CNTNAP5: variants seen among roughly 807,000 people sequenced by gnomAD.
CNTNAP5 encodes the protein contactin associated protein family member 5, also known as contactin-associated protein-like 5.
In CNTNAP5, 72 loss-of-function variants were observed where a neutral mutation model predicts 150.2. The observed-to-expected ratio is 0.48, with a 90% confidence interval of 0.40 to 0.58. The LOEUF is 0.58. CNTNAP5 is among the 20% of genes least tolerant of loss of function. CNTNAP5 has a pLI of 0.00. For missense variants in CNTNAP5, 1,636 were observed against 1,626.2 expected (o/e 1.01, Z -0.10); for synonymous variants, 672 against 619.8 (o/e 1.08, Z -1.25).
In CNTNAP5 at chr2:124,707,099, AG is replaced by A. The variant is rs1319668508; in HGVS notation, c.2078-40128del. Among the ~76,000 whole-genome samples, 818 of 131,556 alleles carry A rather than the reference AG, an allele frequency of 6.2e-3. 48 individuals carry two copies. The highest frequency in any genetic ancestry group is 0.023 in the African/African-American group (776 of 33,766). The allele number at this position is 131,556 out of a possible 152,430, so 86.3% of individuals were successfully genotyped here. ...GAAGAAGAAGAGGAAGAAGAAGAAG[AG>A]GAAGAAGAAGAGGAAGAAGAAGAAA... On this transcript the variant is annotated intron_variant, in intron 13 of 23. Transcript: ENST00000682447.
At chr2:124,110,686 C>G (rs926397388) in intron 1 of CNTNAP5, among the ~76,000 whole-genome samples, 3 of 152,162 alleles carry the variant, frequency 2.0e-5, no homozygotes, top group Admixed American at 2.0e-4. Flanking sequence ...AAAACTGAGG[C>G]TCAAGTAGCT....
intron 1 of CNTNAP5, among the ~76,000 whole-genome samples, chr2:124,149,424 A>G (rs1385468880): frequency 6.8e-6 from 1 of 147,906 alleles, no homozygotes; most frequent in Non-Finnish European, 1.5e-5. Context: ...AAAAAAAAAA[A>G]AACTCAGGAA....
At chr2:124,177,380 C>T (rs139531484) in intron 1 of CNTNAP5, among the ~76,000 whole-genome samples, 2 of 152,106 alleles carry the variant, frequency 1.3e-5, no homozygotes, top group Non-Finnish European at 2.9e-5. Context: ...AACGGGCAGA[C>T]AGCTATTTAT....
intron 17 of CNTNAP5, among the ~76,000 whole-genome samples, chr2:124,784,383 G>A (rs927602160): frequency 3.9e-5 from 6 of 152,172 alleles, no homozygotes; most frequent in African/African-American, 1.2e-4. Context: ...TGAAAGCAAT[G>A]AGCATTTGTC....
At chr2:124,257,525 C>T (rs1170578) in intron 3 of CNTNAP5, among the ~76,000 whole-genome samples, 49,385 of 152,128 alleles carry the variant, frequency 0.32, 8,569 homozygotes, top group Admixed American at 0.4. Flanking sequence ...TTGACACATA[C>T]GTCTCCACCT....
chr2:124,267,119 C>A (rs749437507), intron 3 of CNTNAP5, among the ~76,000 whole-genome samples: 1 of 152,098 alleles, frequency 6.6e-6, no homozygotes, highest in East Asian at 1.9e-4. Context: ...ACTGCCTGCC[C>A]CTGAATGGAA....
At chr2:124,685,155 C>T (rs765463899) in intron 13 of CNTNAP5, among the ~76,000 whole-genome samples, 2 of 152,056 alleles carry the variant, frequency 1.3e-5, no homozygotes, top group East Asian at 1.9e-4. Flanking sequence ...GCTTGTGAGC[C>T]GAGACACCCC....
At chr2:124,872,861 C>A (rs1282307948) in intron 21 of CNTNAP5, among the ~76,000 whole-genome samples, 1 of 151,918 alleles carries the variant, frequency 6.6e-6, no homozygotes, top group Admixed American at 6.6e-5. Flanking sequence ...TGACCCTTCA[C>A]ACTTTTAGCT....
At chr2:124,516,035 G>C (rs950702511) in intron 8 of CNTNAP5, among the ~76,000 whole-genome samples, 4 of 152,096 alleles carry the variant, frequency 2.6e-5, no homozygotes, top group African/African-American at 9.7e-5. Flanking sequence ...GACCACTAAA[G>C]AAATTTCCAG....
chr2:124,456,132 G>A (rs988614313), intron 6 of CNTNAP5, among the ~76,000 whole-genome samples: 8 of 152,124 alleles, frequency 5.3e-5, no homozygotes, highest in African/African-American at 1.9e-4. Flanking sequence ...ACTTGTAGCT[G>A]TTTGCTGATT....
chr2:124,154,414 G>A (rs1684477420), intron 1 of CNTNAP5, among the ~76,000 whole-genome samples: 1 of 152,086 alleles, frequency 6.6e-6, no homozygotes, highest in Non-Finnish European at 1.5e-5. Flanking sequence ...AGGAGAGGTG[G>A]AATGAGAGCC....
intron 1 of CNTNAP5, among the ~76,000 whole-genome samples, chr2:124,185,111 C>T (rs1685304102): frequency 6.6e-6 from 1 of 152,184 alleles, no homozygotes; most frequent in African/African-American, 2.4e-5. Context: ...AGGATATCTG[C>T]ACATATACAC....
intron 11 of CNTNAP5, among the ~76,000 whole-genome samples, chr2:124,569,058 AATAT>A (rs978963335): frequency 1.3e-5 from 2 of 151,756 alleles, no homozygotes; most frequent in African/African-American, 4.8e-5. Context: ...AAAAGAAAAA[AATAT>A]ATATATATAT....
chr2:124,111,958 G>A (rs910183630), intron 1 of CNTNAP5, among the ~76,000 whole-genome samples: 4 of 152,154 alleles, frequency 2.6e-5, no homozygotes, highest in African/African-American at 9.7e-5. Flanking sequence ...TATCTGATGG[G>A]CAAGAACACT....
chr2:124,095,474 C>A (rs1682914226), intron 1 of CNTNAP5, among the ~76,000 whole-genome samples: 2 of 152,108 alleles, frequency 1.3e-5, no homozygotes, highest in South Asian at 4.1e-4. Context: ...AACAAAGCTG[C>A]ACATTCTGCA....
chr2:124,475,077 C>A (rs1328611583), intron 7 of CNTNAP5, among the ~76,000 whole-genome samples, 195 bp downstream of exon 7: 1 of 151,704 alleles, frequency 6.6e-6, no homozygotes, highest in Non-Finnish European at 1.5e-5. Context: ...GTGGAAGAAA[C>A]AAAGACATTA....
intron 1 of CNTNAP5, among the ~76,000 whole-genome samples, chr2:124,107,573 T>C (rs959966289): frequency 2.6e-5 from 4 of 152,200 alleles, no homozygotes; most frequent in Non-Finnish European, 4.4e-5. Flanking sequence ...GTTATATTGA[T>C]TAGATTGTGT....
chr2:124,037,611 T>C (rs1318369491), intron 1 of CNTNAP5, among the ~76,000 whole-genome samples: 1 of 152,092 alleles, frequency 6.6e-6, no homozygotes, highest in Non-Finnish European at 1.5e-5. Flanking sequence ...CAAACTCACT[T>C]ATATGTGGAA....
At chr2:124,377,923 G>A (rs967202426) in intron 3 of CNTNAP5, among the ~76,000 whole-genome samples, 4 of 152,022 alleles carry the variant, frequency 2.6e-5, no homozygotes, top group Non-Finnish European at 4.4e-5. Flanking sequence ...ATTCAAGGGG[G>A]CCTCTTGGCT....
Sources: gnomAD v4.1 joint callset for allele counts (sites outside exome capture counted in the v4.1 genomes callset) on GRCh38, gnomAD v4.1.1 for gene constraint, MANE v1.5 for transcripts, NCBI Gene and HGNC (gene_info 2026-07-23, HGNC 2026-07-21) for gene names.